TTN: variants seen among roughly 807,000 people sequenced by gnomAD.
TTN encodes the protein connectin.
Under a neutral mutation model 3,223.0 loss-of-function variants are expected in TTN, and 1,525 were observed. The observed-to-expected ratio is 0.47, with a 90% CI of 0.45 to 0.49. The LOEUF (loss-of-function observed/expected upper bound fraction) is 0.49, where lower values mean the gene tolerates loss of function less well. TTN is among the 20% of genes least tolerant of loss of function. TTN has a pLI of 0.00. For synonymous variants in TTN, 14,094 were observed against 15,161.0 expected (o/e 0.93, Z 5.17); for missense variants, 40,786 against 43,424.0 (o/e 0.94, Z 5.40).
rs748399505 is a variant in TTN, at chr2:178,533,795, T to G, written c.102820A>C (p.Asn34274His). 4.3e-6 allele frequency: 7 copies of G among 1,613,970 alleles called. No homozygotes were observed. In the South Asian group the frequency reaches 7.7e-5, roughly 18 times the overall value. The part of the protein sequence containing the change: ...LYNKTAYVGE[N>H]VRFGVTITVH... Reference sequence around the variant, plus strand: ...GTTATAGTTACTCCAAACCGGACATTTTCACCTACATAAGCTGTCTTATTA... The same window carrying G: ...GTTATAGTTACTCCAAACCGGACATGTTCACCTACATAAGCTGTCTTATTA... Residue 34274 changes from asparagine to histidine, a missense_variant, in exon 358 of 363, where the codon AAT becomes CAT. Coordinates refer to ENST00000589042, the MANE Select transcript of TTN (RefSeq NM_001267550.2).
rs750346972 is a variant in TTN at position 178,688,157 on chromosome 2, T to TTC, written c.32263_32264dup (p.Glu10756LysfsTer17). 1 of 1,613,098 alleles carries TTC rather than the reference T, an allele frequency of 6.2e-7. No individual in the cohort carries two copies. Among genetic ancestry groups the TTC allele is most frequent in the Non-Finnish European group, 8.5e-7 (1 of 1,179,720 alleles). ...CTTCTTCCTCCTCCTCTCTTTCTTC[T>TTC]TCTCTATAAACTGAAATGGACACAC... is the stretch of plus-strand genomic sequence containing the variant. On this transcript the variant is annotated frameshift_variant, in exon 127 of 363. Transcript: ENST00000589042. LOFTEE classifies it high-confidence loss of function.
At chr2:178,762,074 A>G (rs4894038) in intron 43 of TTN, among the ~76,000 whole-genome samples, 148,402 of 152,196 alleles carry the variant, frequency 0.98, 72,477 homozygotes, top group East Asian at 1. Context: ...AGAAAGTATT[A>G]CAACCCCCAA....
chr2:178,719,987 T>C lies in TTN; in HGVS notation c.23655A>G (p.Val7885=), dbSNP rs2154300392. 5 of 1,605,734 alleles carry C rather than the reference T, an allele frequency of 3.1e-6. No individual in the cohort carries two copies. The highest frequency in any genetic ancestry group is 4.3e-6 in the Non-Finnish European group (5 of 1,175,282). Residue 7885 remains valine, a synonymous_variant, in exon 81 of 363, where the codon GTA becomes GTG. Transcript: ENST00000589042. ...GMRECSAVLT[V]LEPARIIEKP... ...TGGCTGTGCTTTGCTACTAACCTAG[T>C]ACAGTCAAGACTGCAGAGCATTCTC... is the stretch of plus-strand genomic sequence containing the variant.
In TTN at chr2:178,740,885, G is replaced by A; in HGVS notation, c.12348C>T (p.Ser4116=). 1 of 1,613,846 alleles carries A rather than the reference G, an allele frequency of 6.2e-7. No homozygotes were observed. Among genetic ancestry groups the A allele is most frequent in the Non-Finnish European group, 8.5e-7 (1 of 1,179,828 alleles). The change falls in exon 48 of 363, where the codon TCC becomes TCT. Residue 4116 remains serine, a synonymous_variant. Transcript: ENST00000589042. The part of the protein sequence containing the change: ...QLPLGAQELQ[S]ILEQDKLTPE... ...GAGTGAGCTTGTCTTGCTCCAAAAT[G>A]GATTGCAATTCCTGAGCTCCCAAAG...
chr2:178,572,075 G>C lies in TTN; in HGVS notation c.74057C>G (p.Ser24686Cys), dbSNP rs727504921. ...ITGLIQGEEY[S>C]FRVSAQNEKG... ...TTCATTCTGAGCTGAAACACGGAAA[G>C]AGTATTCTTCACCCTGAATTAATCC... The change falls in exon 326 of 363, where the codon TCT becomes TGT. Residue 24686 changes from serine (S) to cysteine (C), a missense_variant. Ser to Cys is a moderately radical substitution (Grantham distance 112). Transcript: ENST00000589042. 2.5e-6 allele frequency: 4 copies of C among 1,613,272 alleles called. No homozygotes were observed. In the South Asian group the frequency reaches 4.4e-5, roughly 18 times the overall value.
In TTN at chr2:178,634,419, A is replaced by C; in HGVS notation, c.42362T>G (p.Val14121Gly). 6.2e-7 allele frequency: 1 copy of C among 1,612,860 alleles called. No individual in the cohort carries two copies. The highest frequency in any genetic ancestry group is 8.5e-7 in the Non-Finnish European group (1 of 1,179,420). Reference protein sequence around the residue: ...INDSQFDDEGVYTAEVEGKKT... With the variant: ...INDSQFDDEGGYTAEVEGKKT... ...CTTGCCCTCCACCTCAGCAGTATAG[A>C]CCCCTTCATCATCAAATTGAGAATC... Residue 14121 changes from valine to glycine, a missense_variant, in exon 230 of 363, where the codon GTC becomes GGC. Coordinates refer to ENST00000589042, the MANE Select transcript of TTN (RefSeq NM_001267550.2). The surrounding 1 kb of genome is among the most constrained non-coding windows in gnomAD (Gnocchi z 4.6).
At position 178,652,549 on chromosome 2, in the gene TTN, G is replaced by A; in HGVS notation, c.39044-8C>T. 1 of 1,613,096 alleles carries A rather than the reference G, an allele frequency of 6.2e-7. No homozygotes were observed. The highest frequency in any genetic ancestry group is 8.5e-7 in the Non-Finnish European group (1 of 1,179,514). The stretch of plus-strand genomic sequence containing the variant: ...CTTTCGGAGCCTCTGGCACTTAAAA[G>A]ATATTAGTGAAATTACATTTAGAAG... On this transcript the variant is annotated splice_region_variant and splice_polypyrimidine_tract_variant and intron_variant, in intron 201 of 362. Transcript: ENST00000589042.
chr2:178,732,004 G>A (rs200772782), intron 57 of TTN, 33 bp from the exon 58 acceptor site: 7 of 1,592,164 alleles, frequency 4.4e-6, no homozygotes, highest in Non-Finnish European at 6.0e-6. Context: ...TGCATTAAGG[G>A]AGGAGGGGTC....
rs1241107643 is a variant in TTN at position 178,552,948 on chromosome 2, T to A, written c.89952A>T (p.Ser29984=). ...DATKRTWSVV[S]HKCSSTSFKL... Reference sequence around the variant, plus strand: ...TGAAGGATGTGCTAGAACATTTGTGTGACACGACAGACCATGTTCTCTTGG... The same window carrying A: ...TGAAGGATGTGCTAGAACATTTGTGAGACACGACAGACCATGTTCTCTTGG... Residue 29984 remains serine (S), a synonymous_variant, in exon 335 of 363, where the codon TCA becomes TCT. Transcript: ENST00000589042. 6.2e-7 allele frequency: 1 copy of A among 1,613,486 alleles called. No homozygotes were observed. Among genetic ancestry groups the A allele is most frequent in the Admixed American group, 1.7e-5 (1 of 59,998 alleles).
Position 178,528,356 on chromosome 2 carries a change from T to C in TTN, c.107295A>G (p.Ser35765=). ...TTGTGTACTTTCCACTGTCGCTGAC[T>C]GATGCATTTCGGATTTCAAGGGAGT... ...NVYSLEIRNA[S]VSDSGKYTIK... The change falls in exon 361 of 363, where the codon TCA becomes TCG. Residue 35765 remains serine, a synonymous_variant. Transcript: ENST00000589042. 1.9e-6 allele frequency: 3 copies of C among 1,614,004 alleles called. No homozygotes were observed. The highest frequency in any genetic ancestry group is 1.7e-5 in the Admixed American group (1 of 60,028).
chr2:178,574,220 C>A lies in TTN; in HGVS notation c.71912G>T (p.Trp23971Leu). 1 of 1,613,396 alleles carries A rather than the reference C, an allele frequency of 6.2e-7. No homozygotes were observed. Among genetic ancestry groups the A allele is most frequent in the Non-Finnish European group, 8.5e-7 (1 of 1,179,552 alleles). ...AATGTTGCTGAAGTTGGCCTTCAGC[C>A]ACCGTCCATTAGGAAGGTCTCTCTT... ...VEKRDLPNGRWLKANFSNILE... is the reference protein window; with the variant it reads ...VEKRDLPNGRLLKANFSNILE... The change falls in exon 326 of 363, where the codon TGG becomes TTG. Residue 23971 changes from tryptophan to leucine, a missense_variant. Coordinates refer to ENST00000589042, the MANE Select transcript of TTN (RefSeq NM_001267550.2).
chr2:178,733,521 C>T lies in TTN; in HGVS notation c.15776-4G>A, dbSNP rs1422765731. ...CGCTCAATGATTTTGGCAGGTTCTA[C>T]AATGGTATGAAATAGTTAGCACCCT... On this transcript the variant is annotated splice_polypyrimidine_tract_variant and splice_region_variant and intron_variant, in intron 53 of 362. Transcript: ENST00000589042. 3 of 1,608,214 alleles carry T rather than the reference C, an allele frequency of 1.9e-6. No homozygotes were observed. The highest frequency in any genetic ancestry group is 4.5e-5 in the East Asian group (2 of 44,746).
At position 178,589,569 on chromosome 2, in the gene TTN, T is replaced by G. The variant is rs1477967306; in HGVS notation, c.62156A>C (p.His20719Pro). 6.2e-7 allele frequency: 1 copy of G among 1,613,216 alleles called. No homozygotes were observed. Among genetic ancestry groups the G allele is most frequent in the Admixed American group, 1.7e-5 (1 of 59,948 alleles). ...LKGSDDWERV[H>P]KGSIKETHYM... ...GTGAGTTTCTTTAATGCTTCCTTTA[T>G]GCACTCTTTCCCAGTCATCGGAGCC... is the stretch of plus-strand genomic sequence containing the variant. Residue 20719 changes from histidine to proline, a missense_variant, in exon 304 of 363, where the codon CAT becomes CCT. Physicochemically the swap from His to Pro is moderately conservative, Grantham distance 77 (BLOSUM62 -2). Transcript: ENST00000589042.
Position 178,546,647 on chromosome 2 carries a change from C to G in TTN, c.94781G>C (p.Ser31594Thr). Residue 31594 changes from serine to threonine, a missense_variant, in exon 341 of 363, where the codon AGC (serine) becomes ACC (threonine). By Grantham distance (58) the Ser-to-Thr change is moderately conservative (BLOSUM62 1). Transcript: ENST00000589042. Reference protein sequence around the residue: ...VLAKNAAGVISKGSESTGPVT... With the variant: ...VLAKNAAGVITKGSESTGPVT... Reference sequence around the variant, plus strand: ...AGGGCCTGTAGATTCAGACCCTTTGCTAATTACGCCTGCTGCATTCTTGGC... The same window carrying G: ...AGGGCCTGTAGATTCAGACCCTTTGGTAATTACGCCTGCTGCATTCTTGGC... 2 of 1,613,604 alleles carry G rather than the reference C, an allele frequency of 1.2e-6. No individual in the cohort carries two copies. Among genetic ancestry groups the G allele is most frequent in the Non-Finnish European group, 1.7e-6 (2 of 1,179,618 alleles).
Position 178,694,825 on chromosome 2 carries a change from A to C in TTN, c.31348+4T>G. The C allele has an allele frequency of 1.9e-6, 3 of 1,554,996 alleles. No homozygotes were observed. Among genetic ancestry groups the C allele is most frequent in the Non-Finnish European group, 2.6e-6 (3 of 1,147,166 alleles). The stretch of plus-strand genomic sequence containing the variant: ...ATGGGTGCTAGGAATGTTTTAAATA[A>C]TACCTTTGGTGACTTGAACTTTTTC... On this transcript the variant is annotated splice_donor_region_variant and intron_variant, in intron 116 of 362. Transcript: ENST00000589042.
rs762812203 is a variant in TTN at position 178,714,068 on chromosome 2, A to G, written c.26590T>C (p.Phe8864Leu). Reference protein sequence around the residue: ...AGTPELSTKWFKDGKELTSDN... With the variant: ...AGTPELSTKWLKDGKELTSDN... ...CTTGTTAGCTCTTTTCCATCCTTAAACCACTTAGTACTGAGTTCAGGGGTG... is the reference window on the plus strand; with the variant it reads ...CTTGTTAGCTCTTTTCCATCCTTAAGCCACTTAGTACTGAGTTCAGGGGTG... Residue 8864 changes from phenylalanine to leucine, a missense_variant, in exon 92 of 363, where the codon TTT (phenylalanine) becomes CTT (leucine). Coordinates refer to ENST00000589042, the MANE Select transcript of TTN (RefSeq NM_001267550.2). 10 of 1,613,458 alleles carry G rather than the reference A, an allele frequency of 6.2e-6. No individual in the cohort carries two copies. Among genetic ancestry groups the G allele is most frequent in the Non-Finnish European group, 8.5e-6 (10 of 1,179,704 alleles).
At position 178,714,986 on chromosome 2, in the gene TTN, C is replaced by A. The variant is rs727503646; in HGVS notation, c.26200G>T (p.Ala8734Ser). 1 of 1,604,034 alleles carries A rather than the reference C, an allele frequency of 6.2e-7. No homozygotes were observed. Among genetic ancestry groups the A allele is most frequent in the Admixed American group, 1.7e-5 (1 of 59,638 alleles). The change falls in exon 90 of 363, where the codon GCA becomes TCA. Residue 8734 changes from alanine (A) to serine (S), a missense_variant and splice_region_variant. Physicochemically the swap from Ala to Ser is moderately conservative, Grantham distance 99. Coordinates refer to ENST00000589042, the MANE Select transcript of TTN (RefSeq NM_001267550.2). ...CAGAAGTGAATGCAGTCCATCTAAC[C>A]TTTGAGAGCGATGGAACCAACGCAA... ...DTCVGSIALKAPPRFVKKLSD... is the reference protein window; with the variant it reads ...DTCVGSIALKSPPRFVKKLSD...
At chr2:178,631,447 A>G in intron 236 of TTN, 147 bp from the exon 237 acceptor site, 1 of 830,766 alleles carries the variant, frequency 1.2e-6, no homozygotes, top group South Asian at 2.0e-5. Flanking sequence ...TTTATGTTCA[A>G]AAGTTCTCTA....
intron 111 of TTN, among the ~76,000 whole-genome samples, chr2:178,699,957 C>T (rs1194926582): frequency 2.0e-5 from 3 of 151,594 alleles, no homozygotes; most frequent in Non-Finnish European, 4.4e-5. Context: ...CCTCGTGATC[C>T]GCCCACCTCG....
Sources: gnomAD v4.1 joint callset for allele counts (sites outside exome capture counted in the v4.1 genomes callset) on GRCh38, gnomAD v4.1.1 for gene constraint, Gnocchi (gnomAD v3.1) non-coding constraint, MANE v1.5 for transcripts, NCBI Gene and HGNC (gene_info 2026-07-23, HGNC 2026-07-21) for gene names.